The following TBC1D9 variants were observed in gnomAD, a reference collection of about 807,000 sequenced individuals.
The protein encoded by TBC1D9 is TBC1 domain family member 9A.
Under a neutral mutation model 132.0 loss-of-function variants are expected in TBC1D9, and 63 were observed. The ratio of observed to expected loss-of-function variants is 0.48; its 90% confidence interval spans 0.39 to 0.59. The LOEUF (loss-of-function observed/expected upper bound fraction) is 0.59, where lower values mean the gene tolerates loss of function less well. Ranked by LOEUF, TBC1D9 falls within the 20% of genes least tolerant of loss-of-function variation. The pLI is 0.00. For synonymous variants in TBC1D9, 610 were observed against 609.9 expected (o/e 1.00, Z 0.00); for missense variants, 1,261 against 1,592.7 (o/e 0.79, Z 3.54).
At position 140,657,549 on chromosome 4, in the gene TBC1D9, C is replaced by A. The variant is rs1416683418; in HGVS notation, c.2185G>T (p.Glu729Ter). The change falls in exon 12 of 21, where the codon GAG becomes TAG. Residue 729 changes from glutamate (E) to a stop codon, truncating the protein, a stop_gained. Transcript: ENST00000442267. LOFTEE classifies it high-confidence loss of function. ...TACCTTCCCAAAACGGTCATGGCCT[C>A]CCCATCATCCTTGCAGTTCAACAGT... ...DKLLNCKDDG[E>*]AMTVLGRYLD... The A allele has an allele frequency of 6.2e-7, 1 of 1,613,788 alleles. No individual in the cohort carries two copies. The highest frequency in any genetic ancestry group is 8.5e-7 in the Non-Finnish European group (1 of 1,179,788).
At chr4:140,720,899 C>T (rs552476868) in intron 1 of TBC1D9, among the ~76,000 whole-genome samples, 1 of 152,234 alleles carries the variant, frequency 6.6e-6, no homozygotes, top group Non-Finnish European at 1.5e-5. Flanking sequence ...CAGACCAGCT[C>T]TTTGTGTGTG....
chr4:140,634,945 T>C (rs941078914), intron 15 of TBC1D9, among the ~76,000 whole-genome samples: 1 of 152,166 alleles, frequency 6.6e-6, no homozygotes, highest in Non-Finnish European at 1.5e-5. Context: ...TCTTTATTCA[T>C]GAGGTCATGG....
chr4:140,745,779 C>T (rs1738827696), intron 1 of TBC1D9, among the ~76,000 whole-genome samples: 1 of 151,958 alleles, frequency 6.6e-6, no homozygotes, highest in Admixed American at 6.6e-5. Flanking sequence ...ATCCCTAACC[C>T]CCTGTGTATT....
intron 1 of TBC1D9, among the ~76,000 whole-genome samples, chr4:140,749,507 A>C (rs908917605): frequency 4.6e-5 from 7 of 152,130 alleles, no homozygotes; most frequent in African/African-American, 1.7e-4. Context: ...TAAGAGTCAA[A>C]AATTTTCAAA....
chr4:140,754,544 G>A (rs1738974030), intron 1 of TBC1D9, among the ~76,000 whole-genome samples: 1 of 138,782 alleles, frequency 7.2e-6, no homozygotes, highest in Admixed American at 7.9e-5. Flanking sequence ...GAACCCAGGA[G>A]AAGGAGGTTG....
intron 1 of TBC1D9, among the ~76,000 whole-genome samples, chr4:140,747,919 T>C (rs2111084339): frequency 6.6e-6 from 1 of 152,346 alleles, no homozygotes; most frequent in South Asian, 2.1e-4. Context: ...TTAGTGATTT[T>C]AGTTTGCAAC....
At chr4:140,637,540 C>T (rs78482742) in intron 15 of TBC1D9, among the ~76,000 whole-genome samples, 1 of 152,106 alleles carries the variant, frequency 6.6e-6, no homozygotes, top group South Asian at 2.1e-4. Context: ...TTAGCTCCCC[C>T]CAGAATCCTG....
intron 3 of TBC1D9, among the ~76,000 whole-genome samples, chr4:140,680,908 G>A (rs920142185): frequency 4.6e-5 from 7 of 152,108 alleles, no homozygotes; most frequent in Non-Finnish European, 8.8e-5. Flanking sequence ...AATACTTAGT[G>A]GTTTCTAACC....
At position 140,755,958 on chromosome 4, in the gene TBC1D9, T is replaced by G. The variant is rs1389725779; in HGVS notation, c.88A>C (p.Lys30Gln). 1.2e-6 allele frequency: 2 copies of G among 1,600,364 alleles called. No homozygotes were observed. The highest frequency in any genetic ancestry group is 1.7e-6 in the Non-Finnish European group (2 of 1,174,802). Residue 30 changes from lysine (K) to glutamine (Q), a missense_variant, in exon 1 of 21, where the codon AAG becomes CAG. Around this residue, in one of 3 missense-constraint regions of TBC1D9, gnomAD observed 550 missense variants for 699.0 expected, o/e 0.79. Coordinates refer to ENST00000442267, the MANE Select transcript of TBC1D9 (RefSeq NM_015130.3). ...CCGCCTCCATCGCCGGCGTGGCCCT[T>G]CCTCCGCTGCAGGATGAAGTATGGG... ...ANPYFILQRR[K>Q]GHAGDGGGGG...
intron 18 of TBC1D9, among the ~76,000 whole-genome samples, chr4:140,625,987 C>T (rs193082691): frequency 6.6e-6 from 1 of 152,256 alleles, no homozygotes; most frequent in African/African-American, 2.4e-5. Flanking sequence ...CACTGGAAAA[C>T]CTTCTTCAAA....
intron 1 of TBC1D9, among the ~76,000 whole-genome samples, chr4:140,718,087 A>G (rs1212780809): frequency 6.6e-6 from 1 of 152,200 alleles, no homozygotes; most frequent in Non-Finnish European, 1.5e-5. Flanking sequence ...TTTAATTTCA[A>G]TGCATACTGA....
chr4:140,730,372 T>C (rs1738569706), intron 1 of TBC1D9, among the ~76,000 whole-genome samples: 1 of 152,090 alleles, frequency 6.6e-6, no homozygotes, highest in Non-Finnish European at 1.5e-5. Context: ...GTCTAAGACT[T>C]TCAAAGATAC....
intron 16 of TBC1D9, among the ~76,000 whole-genome samples, chr4:140,631,121 G>A (rs956572246): frequency 2.6e-5 from 4 of 152,174 alleles, no homozygotes; most frequent in East Asian, 3.9e-4. Flanking sequence ...TCCAATGACC[G>A]GCTGCATCAC....
intron 11 of TBC1D9, among the ~76,000 whole-genome samples, chr4:140,658,655 C>T (rs189360921): frequency 5.1e-4 from 78 of 152,112 alleles, no homozygotes; most frequent in African/African-American, 1.8e-3. Flanking sequence ...ACTGAAAATA[C>T]AAAAATTAGC....
chr4:140,715,338 T>C (rs752208379), intron 1 of TBC1D9, among the ~76,000 whole-genome samples: 3 of 152,180 alleles, frequency 2.0e-5, no homozygotes, highest in East Asian at 1.9e-4. Flanking sequence ...AATCAATCAG[T>C]TGGGGGAGCT....
chr4:140,656,651 A>G (rs937532090), intron 13 of TBC1D9, among the ~76,000 whole-genome samples: 4 of 152,232 alleles, frequency 2.6e-5, no homozygotes, highest in Non-Finnish European at 5.9e-5. Context: ...GCATCCTTGC[A>G]ATGTACTTTC....
In TBC1D9 at chr4:140,627,452, T is replaced by C. The variant is rs1209231531; in HGVS notation, c.2888A>G (p.Glu963Gly). Reference sequence around the variant, plus strand: ...GAAAAGTCACTTACCATGTGTACATTCTGGGGTAATATCTTCAAAGAAGTA... The same window carrying C: ...GAAAAGTCACTTACCATGTGTACATCCTGGGGTAATATCTTCAAAGAAGTA... Reference protein sequence around the residue: ...TQYFFEDITPECTHVVGLDSR... With the variant: ...TQYFFEDITPGCTHVVGLDSR... The change falls in exon 18 of 21, where the codon GAA becomes GGA. Residue 963 changes from glutamate to glycine, a missense_variant. By Grantham distance (98) the Glu-to-Gly change is moderately conservative. Coordinates refer to ENST00000442267, the MANE Select transcript of TBC1D9 (RefSeq NM_015130.3). 2.5e-6 allele frequency: 4 copies of C among 1,603,664 alleles called. No individual in the cohort carries two copies. The Admixed American group carries it at 6.7e-5, about 27-fold the overall frequency.
chr4:140,625,518 G>A (rs1219267221), intron 18 of TBC1D9, among the ~76,000 whole-genome samples: 1 of 152,212 alleles, frequency 6.6e-6, no homozygotes, highest in Non-Finnish European at 1.5e-5. Context: ...AGACAGAGAT[G>A]TGGCCTTTAC....
intron 13 of TBC1D9, among the ~76,000 whole-genome samples, chr4:140,651,468 C>G (rs1250448710): frequency 6.6e-6 from 1 of 152,152 alleles, no homozygotes; most frequent in Non-Finnish European, 1.5e-5. Flanking sequence ...GTCTCAATAA[C>G]AACAAAACAA....
Sources: gnomAD v4.1 joint callset for allele counts (sites outside exome capture counted in the v4.1 genomes callset) on GRCh38, gnomAD v4.1.1 for gene constraint, gnomAD v4.1.1 regional missense constraint, MANE v1.5 for transcripts, NCBI Gene and HGNC (gene_info 2026-07-23, HGNC 2026-07-21) for gene names.